Variants in HS3ST4 observed in about 807,000 individuals in gnomAD.
HS3ST4 encodes the protein heparan sulfate-glucosamine 3-sulfotransferase 4.
A neutral mutation model predicts 29.2 loss-of-function variants in HS3ST4; 17 were observed. The observed-to-expected ratio is 0.58, with a 90% CI of 0.40 to 0.87. HS3ST4 has a LOEUF of 0.87. Among genes scored for constraint, HS3ST4 ranks in the 40% least tolerant of loss-of-function variants. The pLI is 0.00. For missense variants in HS3ST4, 627 were observed against 634.5 expected, an observed-to-expected ratio of 0.99 and a Z score of 0.13; for synonymous variants, 314 against 285.7, an observed-to-expected ratio of 1.10 and a Z score of -1.00.
chr16:26,025,061 C>T (rs756913076), intron 1 of HS3ST4, among the ~76,000 whole-genome samples: 1 of 152,032 alleles, frequency 6.6e-6, no homozygotes, highest in Non-Finnish European at 1.5e-5. Flanking sequence ...TCATCCTATC[C>T]CCTTAAGACC....
At chr16:25,921,793 C>T (rs1968357724) in intron 1 of HS3ST4, among the ~76,000 whole-genome samples, 1 of 148,602 alleles carries the variant, frequency 6.7e-6, no homozygotes, top group Non-Finnish European at 1.5e-5. Flanking sequence ...TCTGCTCTGT[C>T]ACCCAGGCTA....
chr16:25,823,982 G>A (rs551517987), intron 1 of HS3ST4, among the ~76,000 whole-genome samples: 1 of 152,316 alleles, frequency 6.6e-6, no homozygotes, highest in East Asian at 1.9e-4. Flanking sequence ...AAAGTGATGT[G>A]AAGTCTGTTT....
At chr16:25,942,703 C>T (rs1476895726) in intron 1 of HS3ST4, among the ~76,000 whole-genome samples, 4 of 150,932 alleles carry the variant, frequency 2.7e-5, no homozygotes, top group African/African-American at 7.3e-5. Context: ...ACTGCAGTCT[C>T]GAACTTCTGG....
At chr16:25,720,722 T>C (rs1314550240) in intron 1 of HS3ST4, among the ~76,000 whole-genome samples, 1 of 152,222 alleles carries the variant, frequency 6.6e-6, no homozygotes, top group Non-Finnish European at 1.5e-5. Context: ...ATGTCTGGGT[T>C]ACTGGACAAA....
At chr16:25,814,537 G>T (rs975649493) in intron 1 of HS3ST4, among the ~76,000 whole-genome samples, 2 of 152,118 alleles carry the variant, frequency 1.3e-5, no homozygotes, top group African/African-American at 4.8e-5. Flanking sequence ...AGTAGAGACG[G>T]AGTTTCACCA....
intron 1 of HS3ST4, among the ~76,000 whole-genome samples, chr16:25,823,429 G>A (rs1342006040): frequency 6.6e-6 from 1 of 152,202 alleles, no homozygotes; most frequent in Admixed American, 6.5e-5. Context: ...AGGAATTGCA[G>A]GGATGAGGTA....
chr16:25,737,905 C>CT (rs11314900), intron 1 of HS3ST4, among the ~76,000 whole-genome samples: 17 of 125,836 alleles, frequency 1.4e-4, no homozygotes, highest in South Asian at 2.6e-4. Context: ...CCTGTAGCTT[C>CT]TTTTTTTTTT....
At chr16:25,734,066 G>A (rs930220266) in intron 1 of HS3ST4, among the ~76,000 whole-genome samples, 3 of 152,174 alleles carry the variant, frequency 2.0e-5, no homozygotes, top group South Asian at 2.1e-4. Context: ...GCAGTGAGCC[G>A]AGATTGCGCC....
intron 1 of HS3ST4, among the ~76,000 whole-genome samples, chr16:25,819,105 A>G (rs560991435): frequency 2.6e-5 from 4 of 152,238 alleles, no homozygotes; most frequent in African/African-American, 9.6e-5. Context: ...TGCTGATCGG[A>G]CCACCATTCT....
chr16:25,707,935 A>G lies in HS3ST4; in HGVS notation c.734+14784A>G, dbSNP rs570881521. ...CCTGGACTCACCTGCTAGTGGTAAG[A>G]GCATCACTTATTGGAAAATGCTGGT... On this transcript the variant is annotated intron_variant, in intron 1 of 1. Coordinates refer to ENST00000331351, the MANE Select transcript of HS3ST4 (RefSeq NM_006040.3). 1.6e-4 allele frequency among the ~76,000 whole-genome samples: 24 copies of G among 152,280 alleles called. No individual in the cohort carries two copies. In the South Asian group the frequency reaches 4.4e-3, roughly 28 times the overall value.
chr16:25,788,138 T>C (rs1347391129), intron 1 of HS3ST4, among the ~76,000 whole-genome samples: 2 of 152,130 alleles, frequency 1.3e-5, no homozygotes, highest in Non-Finnish European at 2.9e-5. Context: ...GCCAGGCCGG[T>C]GCAGTGGCTC....
rs1416005683 is a variant in HS3ST4, at chr16:26,007,223, C to T, written c.735-128389C>T. Among the ~76,000 whole-genome samples the T allele has an allele frequency of 3.3e-5, 5 of 152,136 alleles. No individual in the cohort carries two copies. In the East Asian group the frequency reaches 9.6e-4, roughly 29 times the overall value. ...CAGAAAGGCACATGCTCTTCAGGTCCCCTTGGTCTTCACCCCTCATTACTG... is the reference window on the plus strand; with the variant it reads ...CAGAAAGGCACATGCTCTTCAGGTCTCCTTGGTCTTCACCCCTCATTACTG... On this transcript the variant is annotated intron_variant, in intron 1 of 1. Transcript: ENST00000331351.
chr16:26,027,043 G>A (rs1969483155), intron 1 of HS3ST4, among the ~76,000 whole-genome samples: 1 of 152,174 alleles, frequency 6.6e-6, no homozygotes, highest in East Asian at 1.9e-4. Context: ...GAGTACCCCT[G>A]CTTATAAATA....
intron 1 of HS3ST4, among the ~76,000 whole-genome samples, chr16:26,068,684 G>T (rs963676206): frequency 1.3e-5 from 2 of 151,990 alleles, no homozygotes; most frequent in Non-Finnish European, 2.9e-5. Flanking sequence ...TTAAAGGAAG[G>T]GGATGAAATT....
At chr16:26,021,977 T>C (rs1245118231) in intron 1 of HS3ST4, among the ~76,000 whole-genome samples, 1 of 151,828 alleles carries the variant, frequency 6.6e-6, no homozygotes. Flanking sequence ...TTATTATTTT[T>C]TGGGGGACAG....
chr16:25,709,117 A>G (rs991960284), intron 1 of HS3ST4, among the ~76,000 whole-genome samples: 3 of 150,182 alleles, frequency 2.0e-5, no homozygotes, highest in Non-Finnish European at 4.4e-5. Flanking sequence ...ATTAGTGTTT[A>G]AACAATGTCA....
chr16:25,966,031 A>G (rs774882889), intron 1 of HS3ST4, among the ~76,000 whole-genome samples: 28 of 152,198 alleles, frequency 1.8e-4, no homozygotes, highest in Non-Finnish European at 3.2e-4. Context: ...GGTAACTAAC[A>G]TTTGTTGAGA....
intron 1 of HS3ST4, among the ~76,000 whole-genome samples, chr16:25,783,199 C>T (rs984927866): frequency 6.6e-6 from 1 of 152,014 alleles, no homozygotes; most frequent in Non-Finnish European, 1.5e-5. Flanking sequence ...ATTCAATTTT[C>T]CAATATGTTT....
chr16:25,844,599 T>C lies in HS3ST4; in HGVS notation c.734+151448T>C, dbSNP rs573998417. Reference sequence around the variant, plus strand: ...CACAATAGGAACGCTTTTACACTATTGGTAGAAATGTTAATTAGTTCAACC... The same window carrying C: ...CACAATAGGAACGCTTTTACACTATCGGTAGAAATGTTAATTAGTTCAACC... On this transcript the variant is annotated intron_variant, in intron 1 of 1. Coordinates refer to ENST00000331351, the MANE Select transcript of HS3ST4 (RefSeq NM_006040.3). Among the ~76,000 whole-genome samples the C allele has an allele frequency of 1.0e-3, 153 of 152,306 alleles. 2 individuals carry two copies. Among genetic ancestry groups the C allele is most frequent in the Admixed American group, 5.2e-4 (8 of 15,292 alleles).
Sources: allele counts gnomAD v4.1 joint callset (sites outside exome capture counted in the v4.1 genomes callset), GRCh38; gene constraint gnomAD v4.1.1; transcripts MANE v1.5; gene names NCBI Gene and HGNC (gene_info 2026-07-23, HGNC 2026-07-21).